Variants in FAM120B observed in about 807,000 individuals in gnomAD.
FAM120B encodes constitutive coactivator of peroxisome proliferator-activated receptor gamma.
A neutral mutation model predicts 96.3 loss-of-function variants in FAM120B; 83 were observed. The ratio of observed to expected loss-of-function variants is 0.86; its 90% confidence interval spans 0.72 to 1.03. The LOEUF (loss-of-function observed/expected upper bound fraction) is 1.03, where lower values mean the gene tolerates loss of function less well. FAM120B is among the 50% of genes least tolerant of loss of function. The probability of loss-of-function intolerance (pLI) is 0.00; values close to 1 mark genes in which losing one functional copy is unlikely to be tolerated. For synonymous variants in FAM120B, 407 were observed against 402.7 expected, an observed-to-expected ratio of 1.01 and a Z score of -0.13; for missense variants, 1,027 against 1,121.2, an observed-to-expected ratio of 0.92 and a Z score of 1.20.
intron 3 of FAM120B, among the ~76,000 whole-genome samples, chr6:170,323,683 C>T (rs1445386615): frequency 1.3e-5 from 2 of 152,080 alleles, no homozygotes; most frequent in Non-Finnish European, 2.9e-5. Flanking sequence ...ATCTAGTGAT[C>T]ATGTTTTTAA....
At chr6:170,361,768 A>T (rs954826055) in intron 6 of FAM120B, among the ~76,000 whole-genome samples, 4 of 152,126 alleles carry the variant, frequency 2.6e-5, no homozygotes, top group African/African-American at 9.7e-5. Flanking sequence ...ATACGTATAG[A>T]TGTATGTAGG....
chr6:170,361,189 T>G (rs1313549029), intron 6 of FAM120B, among the ~76,000 whole-genome samples: 3 of 86,330 alleles, frequency 3.5e-5, no homozygotes, highest in African/African-American at 1.5e-4. Flanking sequence ...AAACTATATA[T>G]ATATACGTGT....
At chr6:170,336,487 CT>C (rs1356302344) in intron 4 of FAM120B, among the ~76,000 whole-genome samples, 2 of 152,140 alleles carry the variant, frequency 1.3e-5, no homozygotes. Context: ...CAGCTTTGTT[CT>C]TTTTGCTTAC....
At position 170,361,198 on chromosome 6, in the gene FAM120B, GTATATATATATATATATA is replaced by G. The variant is rs71010657; in HGVS notation, c.2283+2901_2283+2918del. 2.3e-3 allele frequency among the ~76,000 whole-genome samples: 150 copies of G among 66,016 alleles called. 2 individuals carry two copies. The East Asian group carries it at 0.025, about 11-fold the overall frequency. The allele number at this position is 66,016 out of a possible 152,430, so 43.3% of individuals were successfully genotyped here. ...GCCTTAAAACTATATATATATACGT[GTATATATATATATATATA>G]TATATATATATATATATATACACGT... On this transcript the variant is annotated intron_variant, in intron 6 of 10. Transcript: ENST00000476287.
At chr6:170,388,080 C>T (rs1157634640) in intron 6 of FAM120B, among the ~76,000 whole-genome samples, 2 of 152,212 alleles carry the variant, frequency 1.3e-5, no homozygotes, top group Non-Finnish European at 2.9e-5. Context: ...TAGAGGCACC[C>T]TCATTTCTGT....
At chr6:170,309,149 T>C (rs1222678896) in intron 1 of FAM120B, among the ~76,000 whole-genome samples, 1 of 152,246 alleles carries the variant, frequency 6.6e-6, no homozygotes, top group Non-Finnish European at 1.5e-5. Context: ...ACTTTTGATT[T>C]ATTACTTTGA....
chr6:170,403,707 C>G (rs1343222774), intron 9 of FAM120B, among the ~76,000 whole-genome samples: 1 of 152,170 alleles, frequency 6.6e-6, no homozygotes, highest in Non-Finnish European at 1.5e-5. Context: ...GTGTTAAATT[C>G]CACAGTCCAT....
At chr6:170,312,392 G>A (rs944748593) in intron 1 of FAM120B, among the ~76,000 whole-genome samples, 11 of 151,804 alleles carry the variant, frequency 7.2e-5, no homozygotes, top group African/African-American at 2.4e-4. Flanking sequence ...TGACATATTG[G>A]GCTGATTTTA....
intron 6 of FAM120B, among the ~76,000 whole-genome samples, chr6:170,375,380 A>G (rs1418755476): frequency 2.0e-5 from 3 of 152,256 alleles, no homozygotes; most frequent in Non-Finnish European, 4.4e-5. Context: ...CTTAACAACA[A>G]GCGTCTCAGG....
intron 9 of FAM120B, among the ~76,000 whole-genome samples, chr6:170,401,408 GAGAC>G (rs997950771): frequency 2.6e-4 from 39 of 152,286 alleles, no homozygotes; most frequent in African/African-American, 4.8e-4. Context: ...GGGCTGGCAG[GAGAC>G]AGACAGAGGC....
chr6:170,291,900 C>T (rs1261378239), upstream of FAM120B, among the ~76,000 whole-genome samples: 1 of 152,208 alleles, frequency 6.6e-6, no homozygotes, highest in East Asian at 1.9e-4. Context: ...CCCCGGGTCT[C>T]GGCCCCTCTC....
At chr6:170,353,218 A>G (rs956790943) in intron 5 of FAM120B, among the ~76,000 whole-genome samples, 2 of 152,154 alleles carry the variant, frequency 1.3e-5, no homozygotes, top group African/African-American at 2.4e-5. Context: ...CCCTGAGTAG[A>G]CCAATAATGA....
At chr6:170,321,944 T>A (rs1785319834) in intron 2 of FAM120B, among the ~76,000 whole-genome samples, 1 of 152,242 alleles carries the variant, frequency 6.6e-6, no homozygotes, top group South Asian at 2.1e-4. Context: ...GTATCCAGGT[T>A]ATTCTAGCAT....
chr6:170,307,161 C>G (rs1261689840), intron 1 of FAM120B, among the ~76,000 whole-genome samples: 1 of 152,230 alleles, frequency 6.6e-6, no homozygotes, highest in Non-Finnish European at 1.5e-5. Context: ...CTGACCCCTA[C>G]TCCCTCCCTT....
chr6:170,290,709 C>G (rs1220601629), upstream of FAM120B: 1 of 338,344 alleles, frequency 3.0e-6, no homozygotes, highest in Non-Finnish European at 5.4e-6. The surrounding 1 kb of genome is among the most constrained non-coding windows in gnomAD (Gnocchi z 4.7). Flanking sequence ...CGGTGTCACT[C>G]GGCGGCGGCG....
chr6:170,388,299 A>T lies in FAM120B; in HGVS notation c.2296A>T (p.Asn766Tyr). The change falls in exon 7 of 11, where the codon AAC (asparagine) becomes TAC (tyrosine). Residue 766 changes from asparagine (N) to tyrosine (Y), a missense_variant. Asn to Tyr is a moderately radical substitution (Grantham distance 143). Around this residue, in one of 3 missense-constraint regions of FAM120B, gnomAD observed 880 missense variants for 980.9 expected, o/e 0.90. Coordinates refer to ENST00000476287, the MANE Select transcript of FAM120B (RefSeq NM_032448.3). The part of the protein sequence containing the change: ...QLVNLQPDYI[N>Y]PRAVQLGSLL... ...CTGGTCTCCACAGCCTGATTACATC[A>T]ACCCCAGAGCCGTGCAGCTGGGCTC... 6.2e-7 allele frequency: 1 copy of T among 1,613,792 alleles called. No homozygotes were observed.
intron 9 of FAM120B, 92 bp downstream of exon 9, chr6:170,395,671 G>A: frequency 1.1e-6 from 1 of 874,916 alleles, no homozygotes; most frequent in East Asian, 2.6e-5. Flanking sequence ...CTCTGTTTCA[G>A]AAAGGTTGTA....
chr6:170,344,089 C>T (rs934218564), intron 4 of FAM120B, among the ~76,000 whole-genome samples: 5 of 138,780 alleles, frequency 3.6e-5, no homozygotes, highest in Admixed American at 7.2e-5. Context: ...CGGATGAAAT[C>T]GTTCAGTCCA....
intron 6 of FAM120B, among the ~76,000 whole-genome samples, chr6:170,386,731 G>A (rs1790207897): frequency 6.6e-6 from 1 of 152,194 alleles, no homozygotes; most frequent in Admixed American, 6.5e-5. Flanking sequence ...GAAGAAGGAA[G>A]GCTTTCCAAC....
Sources: gnomAD v4.1 joint callset for allele counts (sites outside exome capture counted in the v4.1 genomes callset) on GRCh38, gnomAD v4.1.1 for gene constraint, gnomAD v4.1.1 regional missense constraint, Gnocchi (gnomAD v3.1) non-coding constraint, MANE v1.5 for transcripts, NCBI Gene and HGNC (gene_info 2026-07-23, HGNC 2026-07-21) for gene names.